MAST4: variants seen among roughly 807,000 people sequenced by gnomAD.
MAST4 encodes microtubule-associated serine/threonine-protein kinase 4.
Under a neutral mutation model 162.7 loss-of-function variants are expected in MAST4, and 89 were observed. The ratio of observed to expected loss-of-function variants is 0.55; its 90% confidence interval spans 0.46 to 0.65. MAST4 has a LOEUF of 0.65. MAST4 is among the 30% of genes least tolerant of loss of function. MAST4 has a pLI of 0.00. For missense variants in MAST4, 3,153 were observed against 3,374.0 expected (o/e 0.93, Z 1.62); for synonymous variants, 1,479 against 1,361.1 (o/e 1.09, Z -1.91).
chr5:66,663,604 C>G (rs1287566973), intron 1 of MAST4, among the ~76,000 whole-genome samples: 1 of 152,084 alleles, frequency 6.6e-6, no homozygotes, highest in Non-Finnish European at 1.5e-5. Context: ...AGAAGGTGCA[C>G]AGCCCTGAAA....
Position 67,095,669 on chromosome 5 carries a change from G to T in MAST4, c.906G>T (p.Thr302=). Residue 302 remains threonine (T), a synonymous_variant, in exon 7 of 29, where the codon ACG becomes ACT. Transcript: ENST00000403625. ...SGYGTNTPSS[T]VSSSCSSQEK... is the part of the protein sequence containing the mutation. ...ATGGGACAAACACACCCAGCTCTACGGTCTCTGTAAGTGCCTGACTTTTTT... is the reference window on the plus strand; with the variant it reads ...ATGGGACAAACACACCCAGCTCTACTGTCTCTGTAAGTGCCTGACTTTTTT... 6.3e-7 allele frequency: 1 copy of T among 1,595,524 alleles called. No individual in the cohort carries two copies. The highest frequency in any genetic ancestry group is 8.5e-7 in the Non-Finnish European group (1 of 1,171,732).
At chr5:66,900,914 A>G in intron 4 of MAST4, among the ~76,000 whole-genome samples, 1 of 152,156 alleles carries the variant, frequency 6.6e-6, no homozygotes, top group Non-Finnish European at 1.5e-5. Context: ...CTTTTGTACA[A>G]GTTTAGGCTG....
intron 3 of MAST4, among the ~76,000 whole-genome samples, chr5:66,892,680 C>T (rs1308172323): frequency 2.0e-5 from 3 of 151,544 alleles, no homozygotes; most frequent in Non-Finnish European, 2.9e-5. Context: ...CCTCCCTGCT[C>T]GTGTATTTAT....
At chr5:66,652,391 A>G (rs935348206) in intron 1 of MAST4, among the ~76,000 whole-genome samples, 1 of 152,224 alleles carries the variant, frequency 6.6e-6, no homozygotes, top group African/African-American at 2.4e-5. Context: ...AAGAGATGGT[A>G]CAAACTAATG....
At chr5:67,009,656 T>A (rs1456081437) in intron 4 of MAST4, among the ~76,000 whole-genome samples, 1 of 152,206 alleles carries the variant, frequency 6.6e-6, no homozygotes, top group African/African-American at 2.4e-5. Flanking sequence ...CTGTTAATAT[T>A]ACTGCTGTCA....
intron 3 of MAST4, among the ~76,000 whole-genome samples, chr5:66,895,452 C>A (rs1762624316): frequency 6.6e-6 from 1 of 152,068 alleles, no homozygotes; most frequent in African/African-American, 2.4e-5. Context: ...TGTCTAGTTG[C>A]CTGTTTGGAA....
chr5:66,684,398 A>T (rs529759118), intron 1 of MAST4, among the ~76,000 whole-genome samples: 11 of 152,208 alleles, frequency 7.2e-5, no homozygotes, highest in African/African-American at 2.4e-4. Flanking sequence ...ATTCTCAAAG[A>T]GTACTAGTTA....
intron 4 of MAST4, chr5:66,917,244 T>C (rs1179929281): frequency 2.1e-6 from 1 of 477,160 alleles, no homozygotes; most frequent in African/African-American, 1.9e-5. Context: ...TACATTTCTC[T>C]TTTCTTCACT....
At chr5:66,969,782 G>A (rs1035675984) in intron 4 of MAST4, among the ~76,000 whole-genome samples, 3 of 152,078 alleles carry the variant, frequency 2.0e-5, no homozygotes, top group Non-Finnish European at 2.9e-5. Flanking sequence ...GTCACCTGAC[G>A]GCTAAACCAC....
At chr5:66,670,890 A>G (rs1380055160) in intron 1 of MAST4, among the ~76,000 whole-genome samples, 1 of 152,172 alleles carries the variant, frequency 6.6e-6, no homozygotes, top group Non-Finnish European at 1.5e-5. Context: ...TAACATAATT[A>G]TTAATCGCGC....
At chr5:66,821,468 G>T (rs1478775169) in intron 3 of MAST4, among the ~76,000 whole-genome samples, 1 of 152,094 alleles carries the variant, frequency 6.6e-6, no homozygotes, top group Non-Finnish European at 1.5e-5. Context: ...CTGTTTCCAG[G>T]TGTCATTTTA....
intron 2 of MAST4, among the ~76,000 whole-genome samples, chr5:66,761,804 AT>A (rs1753864245): frequency 6.6e-6 from 1 of 151,982 alleles, no homozygotes; most frequent in Non-Finnish European, 1.5e-5. Flanking sequence ...TTGTTAGGAT[AT>A]TTTTCTTTGC....
chr5:67,076,965 A>G (rs902247700), intron 5 of MAST4, among the ~76,000 whole-genome samples: 4 of 152,172 alleles, frequency 2.6e-5, no homozygotes, highest in Non-Finnish European at 5.9e-5. Context: ...CACATTTTCA[A>G]GGTGATTCTG....
chr5:66,706,940 G>C (rs1240844751), intron 1 of MAST4, among the ~76,000 whole-genome samples: 4 of 152,304 alleles, frequency 2.6e-5, no homozygotes, highest in Non-Finnish European at 5.9e-5. Context: ...CAGATTTGTA[G>C]TCAAGAAACT....
chr5:66,728,257 T>G (rs1751640856), intron 1 of MAST4, among the ~76,000 whole-genome samples: 1 of 152,204 alleles, frequency 6.6e-6, no homozygotes, highest in Non-Finnish European at 1.5e-5. Flanking sequence ...GAGCTAAAAT[T>G]AAAGTTCTTC....
chr5:66,845,126 T>TATATACACAC (rs1358855625), intron 3 of MAST4, among the ~76,000 whole-genome samples: 110 of 67,150 alleles, frequency 1.6e-3, no homozygotes, highest in African/African-American at 2.4e-3. Context: ...TATATATATA[T>TATATACACAC]ACACACACAC....
intron 1 of MAST4, among the ~76,000 whole-genome samples, chr5:66,687,837 T>C (rs2149492304): frequency 3.3e-5 from 5 of 152,256 alleles, no homozygotes; most frequent in Admixed American, 3.3e-4. Flanking sequence ...AGTAGTGGGA[T>C]TTCTAGCAGC....
At chr5:66,994,133 A>G (rs1323296626) in intron 4 of MAST4, among the ~76,000 whole-genome samples, 1 of 151,724 alleles carries the variant, frequency 6.6e-6, no homozygotes, top group Non-Finnish European at 1.5e-5. Flanking sequence ...AGGAGCACCA[A>G]GAGGAAGGAA....
At chr5:67,051,375 A>AGTGT (rs922400664) in intron 4 of MAST4, among the ~76,000 whole-genome samples, 10 of 152,130 alleles carry the variant, frequency 6.6e-5, no homozygotes, top group Admixed American at 3.9e-4. Flanking sequence ...TGGGCAGGAA[A>AGTGT]GTGTGTGATA....
Sources: allele counts gnomAD v4.1 joint callset (sites outside exome capture counted in the v4.1 genomes callset), GRCh38; gene constraint gnomAD v4.1.1; transcripts MANE v1.5; gene names NCBI Gene and HGNC (gene_info 2026-07-23, HGNC 2026-07-21).